Variants in MVB12B observed in about 807,000 individuals in gnomAD.
The protein encoded by MVB12B is ESCRT-I complex subunit MVB12B.
MVB12B carries 16 observed loss-of-function variants against 41.6 expected under a neutral mutation model. The observed-to-expected ratio is 0.38, with a 90% CI of 0.26 to 0.58. The LOEUF is 0.58. Ranked by LOEUF, MVB12B falls within the 20% of genes least tolerant of loss-of-function variation. The pLI is 0.62. For synonymous variants in MVB12B, 133 were observed against 139.7 expected, an observed-to-expected ratio of 0.95 and a Z score of 0.34; for missense variants, 274 against 380.2, an observed-to-expected ratio of 0.72 and a Z score of 2.32.
rs1829451233 is a variant in MVB12B, at chr9:126,341,767, G to A, written c.204+1137G>A. Among the ~76,000 whole-genome samples, 4 of 152,320 alleles carry A rather than the reference G, an allele frequency of 2.6e-5. No individual in the cohort carries two copies. The South Asian group carries it at 8.3e-4, about 32-fold the overall frequency. On this transcript the variant is annotated intron_variant, in intron 2 of 9. Transcript: ENST00000361171. The stretch of plus-strand genomic sequence containing the variant: ...AGCACCTGTCCCTCCTCCCCCAGTG[G>A]TGACAACCCAAAATGTCTCCAGACG...
chr9:126,360,844 G>A (rs1830011626), intron 2 of MVB12B, among the ~76,000 whole-genome samples: 1 of 152,100 alleles, frequency 6.6e-6, no homozygotes, highest in African/African-American at 2.4e-5. Flanking sequence ...CTTTATCCCT[G>A]TTAATATTCC....
chr9:126,450,759 T>TC (rs1832873698), intron 7 of MVB12B, among the ~76,000 whole-genome samples: 1 of 152,202 alleles, frequency 6.6e-6, no homozygotes, highest in Admixed American at 6.5e-5. Context: ...GAGAGCTCAG[T>TC]CAACTTGCCC....
chr9:126,489,210 C>T (rs1833681978), intron 9 of MVB12B, among the ~76,000 whole-genome samples: 1 of 152,232 alleles, frequency 6.6e-6, no homozygotes, highest in African/African-American at 2.4e-5. Context: ...GCTGTGTAGG[C>T]AGTGGACAGG....
chr9:126,412,974 A>G, intron 6 of MVB12B, among the ~76,000 whole-genome samples: 1 of 152,060 alleles, frequency 6.6e-6, no homozygotes, highest in South Asian at 2.1e-4. Flanking sequence ...AAAATTCCAC[A>G]TTTTATTAGC....
At chr9:126,454,336 T>G (rs1832938100) in intron 7 of MVB12B, among the ~76,000 whole-genome samples, 1 of 152,210 alleles carries the variant, frequency 6.6e-6, no homozygotes, top group East Asian at 1.9e-4. Context: ...CCACCAATAG[T>G]GTGTTGTTCC....
At chr9:126,360,064 A>G (rs1417385240) in intron 2 of MVB12B, among the ~76,000 whole-genome samples, 1 of 152,214 alleles carries the variant, frequency 6.6e-6, no homozygotes, top group Non-Finnish European at 1.5e-5. Context: ...ATTTAATGCT[A>G]TGAATTTCCC....
chr9:126,374,020 C>T (rs1418072839), intron 2 of MVB12B, among the ~76,000 whole-genome samples: 1 of 152,216 alleles, frequency 6.6e-6, no homozygotes, highest in East Asian at 1.9e-4. Flanking sequence ...GTAACTTACT[C>T]TTTCTCCTGA....
At chr9:126,453,581 AG>A (rs1347719183) in intron 7 of MVB12B, among the ~76,000 whole-genome samples, 3 of 152,206 alleles carry the variant, frequency 2.0e-5, no homozygotes, top group South Asian at 4.1e-4. Flanking sequence ...TTCATTACAC[AG>A]GCTCAGCCTC....
rs1830497500 is a variant in MVB12B at position 126,376,973 on chromosome 9, T to TGCCAC, written c.205-4089_205-4085dup. On this transcript the variant is annotated intron_variant, in intron 2 of 9. Coordinates refer to ENST00000361171, the MANE Select transcript of MVB12B (RefSeq NM_033446.3). The surrounding 1 kb of genome is among the most constrained non-coding windows in gnomAD (Gnocchi z 4.1). ...TCCTGGGGCTCTGCTCAGTATCGGC[T>TGCCAC]GCCACGGGCCCCTTAGGTCACAACC... 6.6e-6 allele frequency among the ~76,000 whole-genome samples: 1 copy of TGCCAC among 151,150 alleles called. No individual in the cohort carries two copies. Among genetic ancestry groups the TGCCAC allele is most frequent in the African/African-American group, 2.4e-5 (1 of 41,032 alleles).
At position 126,457,370 on chromosome 9, in the gene MVB12B, G is replaced by A. The variant is rs137967132; in HGVS notation, c.758-23999G>A. ...CTCTCAGCCAGGCTGAAATCTGGGAGCTGCATCTGACTGGCTCGCTCACTG... is the reference window on the plus strand; with the variant it reads ...CTCTCAGCCAGGCTGAAATCTGGGAACTGCATCTGACTGGCTCGCTCACTG... On this transcript the variant is annotated intron_variant, in intron 7 of 9. Transcript: ENST00000361171. 8.9e-3 allele frequency among the ~76,000 whole-genome samples: 1,351 copies of A among 152,308 alleles called. 10 individuals carry two copies. The highest frequency in any genetic ancestry group is 0.024 in the Middle Eastern group (7 of 294).
intron 2 of MVB12B, among the ~76,000 whole-genome samples, chr9:126,348,954 TA>T (rs909763325): frequency 1.1e-4 from 17 of 152,036 alleles, no homozygotes. Flanking sequence ...ATGTGGCCAA[TA>T]AATGAGGAGA....
intron 7 of MVB12B, among the ~76,000 whole-genome samples, chr9:126,434,891 G>A (rs940064835): frequency 2.6e-5 from 4 of 152,166 alleles, no homozygotes; most frequent in Non-Finnish European, 4.4e-5. Context: ...GCAAGATGAT[G>A]TCTCCTTCAC....
intron 9 of MVB12B, among the ~76,000 whole-genome samples, chr9:126,498,348 C>T (rs1833881323): frequency 6.6e-6 from 1 of 152,196 alleles, no homozygotes; most frequent in African/African-American, 2.4e-5. Flanking sequence ...GGGCCAGGCC[C>T]ATCCGCCTGC....
Position 126,395,280 on chromosome 9 carries a change from A to C in MVB12B, c.540-295A>C, listed in dbSNP as rs1037204044. The stretch of plus-strand genomic sequence containing the variant: ...ACACTCCACAAGGAAATGGCAAAAC[A>C]AAAAGAAGTTTGGAGAAGCAAGGAA... On this transcript the variant is annotated intron_variant, in intron 5 of 9. Transcript: ENST00000361171. The surrounding 1 kb of genome is among the most constrained non-coding windows in gnomAD (Gnocchi z 4.9). 2.0e-5 allele frequency among the ~76,000 whole-genome samples: 3 copies of C among 152,250 alleles called. No individual in the cohort carries two copies. The highest frequency in any genetic ancestry group is 7.2e-5 in the African/African-American group (3 of 41,464).
chr9:126,404,293 A>G (rs1831354469), intron 6 of MVB12B, among the ~76,000 whole-genome samples: 2 of 152,172 alleles, frequency 1.3e-5, no homozygotes, highest in South Asian at 4.1e-4. Flanking sequence ...TGAGTCAGTT[A>G]CTATTATCAG....
At chr9:126,445,766 G>T (rs1239948640) in intron 7 of MVB12B, among the ~76,000 whole-genome samples, 1 of 152,062 alleles carries the variant, frequency 6.6e-6, no homozygotes. Flanking sequence ...AAAGTGCTGG[G>T]ATTACAGGCT....
intron 2 of MVB12B, among the ~76,000 whole-genome samples, chr9:126,362,573 A>G (rs1477250468): frequency 6.6e-6 from 1 of 152,252 alleles, no homozygotes; most frequent in Non-Finnish European, 1.5e-5. Flanking sequence ...ACTGCTATCT[A>G]AGAACAAATC....
At chr9:126,450,693 C>T (rs1832872393) in intron 7 of MVB12B, among the ~76,000 whole-genome samples, 1 of 152,156 alleles carries the variant, frequency 6.6e-6, no homozygotes, top group East Asian at 1.9e-4. Context: ...TCATAGCAAC[C>T]CAAAGAGGTG....
chr9:126,431,906 G>A (rs553974209), intron 7 of MVB12B, among the ~76,000 whole-genome samples: 1 of 152,304 alleles, frequency 6.6e-6, no homozygotes, highest in South Asian at 2.1e-4. Flanking sequence ...TCATTCTTAT[G>A]GGACGCTTCC....
Sources: gnomAD v4.1 joint callset for allele counts (sites outside exome capture counted in the v4.1 genomes callset) on GRCh38, gnomAD v4.1.1 for gene constraint, Gnocchi (gnomAD v3.1) non-coding constraint, MANE v1.5 for transcripts, NCBI Gene and HGNC (gene_info 2026-07-23, HGNC 2026-07-21) for gene names.